The following UBE2E3 variants were observed in gnomAD, a reference collection of about 807,000 sequenced individuals.
UBE2E3 encodes ubiquitin-conjugating enzyme E2 E3.
In UBE2E3, 5 loss-of-function variants were observed where a neutral mutation model predicts 23.6. That is an observed-to-expected ratio of 0.21 (90% CI 0.11 to 0.44). The LOEUF is 0.44. UBE2E3 is among the 20% of genes least tolerant of loss of function. UBE2E3 has a pLI of 0.99. For synonymous variants in UBE2E3, 78 were observed against 87.5 expected (o/e 0.89, Z 0.60); for missense variants, 81 against 249.8 (o/e 0.32, Z 4.55).
intron 4 of UBE2E3, among the ~76,000 whole-genome samples, chr2:181,060,162 A>G (rs1046934586): frequency 5.9e-5 from 9 of 151,858 alleles, no homozygotes; most frequent in Middle Eastern, 3.4e-3. Context: ...GATTTTACCA[A>G]CCGTCTTCTA....
At chr2:181,022,441 A>T (rs964556687) in intron 3 of UBE2E3, among the ~76,000 whole-genome samples, 1 of 152,112 alleles carries the variant, frequency 6.6e-6, no homozygotes, top group African/African-American at 2.4e-5. Context: ...TCTTCTAGTT[A>T]ATTATGTAAA....
In UBE2E3 at chr2:181,022,722, CA is replaced by C. The variant is rs201442655; in HGVS notation, c.246-34962del. Among the ~76,000 whole-genome samples the C allele has an allele frequency of 1.2e-4, 17 of 142,540 alleles. No individual in the cohort carries two copies. In the South Asian group the frequency reaches 1.8e-3, roughly 15 times the overall value. 93.5% of individuals were successfully genotyped at this position (142,540 alleles called of 152,430 possible). A position where few individuals can be genotyped will look rare whatever the true frequency, so the allele number is the denominator to read the frequency against. On this transcript the variant is annotated intron_variant, in intron 3 of 5. Transcript: ENST00000410062. Reference sequence around the variant, plus strand: ...AAAAAGCATGGTACTAAGTAGGCTGCAAAAAAAAACAAAAAACAAAAAAAAA... The same window carrying C: ...AAAAAGCATGGTACTAAGTAGGCTGCAAAAAAAACAAAAAACAAAAAAAAA...
intron 3 of UBE2E3, among the ~76,000 whole-genome samples, chr2:180,986,618 G>T (rs1457880757): frequency 6.6e-6 from 1 of 152,060 alleles, no homozygotes; most frequent in Non-Finnish European, 1.5e-5. Flanking sequence ...ATTAAAAATG[G>T]AATCTATATT....
chr2:181,029,229 A>G (rs1380563683), intron 3 of UBE2E3, among the ~76,000 whole-genome samples: 1 of 152,014 alleles, frequency 6.6e-6, no homozygotes, highest in East Asian at 1.9e-4. Context: ...TATAATTCTA[A>G]TGAGTCTTGA....
At chr2:181,050,027 T>A (rs1686777880) in intron 3 of UBE2E3, among the ~76,000 whole-genome samples, 1 of 151,954 alleles carries the variant, frequency 6.6e-6, no homozygotes, top group Non-Finnish European at 1.5e-5. Context: ...CACAGTAATT[T>A]ACAAAAAGGC....
intron 4 of UBE2E3, among the ~76,000 whole-genome samples, chr2:181,059,969 A>G (rs1435345741): frequency 6.6e-6 from 1 of 151,596 alleles, no homozygotes; most frequent in Non-Finnish European, 1.5e-5. Context: ...GATTGTTTTG[A>G]GACTTGGCAG....
At position 181,018,598 on chromosome 2, in the gene UBE2E3, G is replaced by GTTT. The variant is rs4018770; in HGVS notation, c.245+34521_245+34523dup. 2.6e-3 allele frequency among the ~76,000 whole-genome samples: 332 copies of GTTT among 128,984 alleles called. 3 individuals carry two copies. Among genetic ancestry groups the GTTT allele is most frequent in the East Asian group, 0.014 (59 of 4,296 alleles). The allele number at this position is 128,984 out of a possible 152,430, so 84.6% of individuals were successfully genotyped here. ...CCCTGCATTTTGTTTCAATTTCTGT[G>GTTT]TTTTTTTTTTTTTTTTTTCCATTAG... On this transcript the variant is annotated intron_variant, in intron 3 of 5. Coordinates refer to ENST00000410062, the MANE Select transcript of UBE2E3 (RefSeq NM_006357.4).
At chr2:181,041,374 A>T (rs1242966973) in intron 3 of UBE2E3, among the ~76,000 whole-genome samples, 1 of 151,618 alleles carries the variant, frequency 6.6e-6, no homozygotes, top group Non-Finnish European at 1.5e-5. Context: ...TTTTATATAG[A>T]TGTCAGTATA....
intron 3 of UBE2E3, among the ~76,000 whole-genome samples, chr2:181,043,217 T>G (rs12986821): frequency 6.6e-6 from 1 of 152,190 alleles, no homozygotes; most frequent in South Asian, 2.1e-4. Context: ...TTTCATTGTA[T>G]CCATGGTATG....
At chr2:181,030,307 G>GTGTT (rs965521478) in intron 3 of UBE2E3, among the ~76,000 whole-genome samples, 1 of 151,478 alleles carries the variant, frequency 6.6e-6, no homozygotes, top group African/African-American at 2.4e-5. Context: ...TTTTTCTTTT[G>GTGTT]TATTTATTTA....
intron 3 of UBE2E3, among the ~76,000 whole-genome samples, chr2:181,051,723 G>A (rs1686849096): frequency 6.6e-6 from 1 of 151,782 alleles, no homozygotes; most frequent in East Asian, 1.9e-4. Context: ...GTATACTTTT[G>A]CAATAGAATA....
At chr2:181,035,693 T>C (rs1045956700) in intron 3 of UBE2E3, among the ~76,000 whole-genome samples, 1 of 152,124 alleles carries the variant, frequency 6.6e-6, no homozygotes, top group Non-Finnish European at 1.5e-5. Flanking sequence ...TTTTTGCAAT[T>C]TTTTTTAAGC....
chr2:181,024,374 C>A (rs1343686275), intron 3 of UBE2E3, among the ~76,000 whole-genome samples: 2 of 152,008 alleles, frequency 1.3e-5, no homozygotes, highest in African/African-American at 4.8e-5. Context: ...TGTACAAAAA[C>A]AAAATCCAGA....
chr2:181,039,398 G>A (rs951311220), intron 3 of UBE2E3, among the ~76,000 whole-genome samples: 5 of 152,032 alleles, frequency 3.3e-5, no homozygotes, highest in African/African-American at 9.7e-5. Flanking sequence ...GGGTGCAGAC[G>A]AGCATTCTGG....
At chr2:180,994,470 T>C (rs1324295876) in intron 3 of UBE2E3, among the ~76,000 whole-genome samples, 2 of 152,204 alleles carry the variant, frequency 1.3e-5, no homozygotes, top group Non-Finnish European at 2.9e-5. Flanking sequence ...AGTATTTCAC[T>C]ATGCACTTTC....
chr2:181,021,945 A>G (rs1184610332), intron 3 of UBE2E3, among the ~76,000 whole-genome samples: 2 of 152,150 alleles, frequency 1.3e-5, no homozygotes, highest in African/African-American at 4.8e-5. Context: ...TCTATGTGAA[A>G]CCACCAATTT....
intron 3 of UBE2E3, among the ~76,000 whole-genome samples, chr2:181,040,162 ATGTT>A (rs1298242014): frequency 2.6e-5 from 4 of 152,178 alleles, no homozygotes; most frequent in African/African-American, 9.7e-5. Context: ...GGAGGAAAAT[ATGTT>A]TGCGTTCTTC....
At chr2:180,996,463 AAT>A (rs1684822851) in intron 3 of UBE2E3, among the ~76,000 whole-genome samples, 1 of 152,206 alleles carries the variant, frequency 6.6e-6, no homozygotes, top group South Asian at 2.1e-4. Context: ...ATTGAACTTA[AAT>A]ATTAACCCTG....
At chr2:181,052,277 G>A (rs998055738) in intron 3 of UBE2E3, among the ~76,000 whole-genome samples, 2 of 151,850 alleles carry the variant, frequency 1.3e-5, no homozygotes, top group Non-Finnish European at 2.9e-5. Context: ...GGGGTGTCCA[G>A]GGGAAAGAAT....
Sources: allele counts gnomAD v4.1 joint callset (sites outside exome capture counted in the v4.1 genomes callset), GRCh38; gene constraint gnomAD v4.1.1; transcripts MANE v1.5; gene names NCBI Gene and HGNC (gene_info 2026-07-23, HGNC 2026-07-21).